PALMD: variants seen among roughly 807,000 people sequenced by gnomAD.
PALMD encodes palmdelphin.
Under a neutral mutation model 56.2 loss-of-function variants are expected in PALMD, and 42 were observed. The observed-to-expected ratio is 0.75, with a 90% confidence interval of 0.58 to 0.97. The LOEUF is 0.97. PALMD is among the 50% of genes least tolerant of loss of function. The probability of loss-of-function intolerance (pLI) is 0.00; values close to 1 mark genes in which losing one functional copy is unlikely to be tolerated. For synonymous variants in PALMD, 242 were observed against 222.9 expected, an observed-to-expected ratio of 1.09 and a Z score of -0.76; for missense variants, 660 against 643.8, an observed-to-expected ratio of 1.03 and a Z score of -0.27.
rs1653086446 is a variant in PALMD at position 99,671,484 on chromosome 1, A to C, written c.251+3718A>C. Among the ~76,000 whole-genome samples, 3 of 152,332 alleles carry C rather than the reference A, an allele frequency of 2.0e-5. 1 individual carries two copies. In the South Asian group the frequency reaches 6.2e-4, roughly 32 times the overall value. On this transcript the variant is annotated intron_variant, in intron 3 of 7. Transcript: ENST00000263174. ...CCTGACACATGGAGGTGTACAAAAA[A>C]TATTAAATACTAGTCCTTACTAAAA...
Position 99,689,308 on chromosome 1 carries a change from C to G in PALMD, c.1048C>G (p.Pro350Ala). Residue 350 changes from proline to alanine, a missense_variant, in exon 7 of 8, where the codon CCT (proline) becomes GCT (alanine). Coordinates refer to ENST00000263174, the MANE Select transcript of PALMD (RefSeq NM_017734.5). ...LHTPQKRLMT[P>A]WEESNVMQDK... ...CACCCCGCAAAAAAGGCTAATGACT[C>G]CTTGGGAAGAATCGAATGTCATGCA... The G allele has an allele frequency of 6.2e-7, 1 of 1,613,568 alleles. No homozygotes were observed. The highest frequency in any genetic ancestry group is 8.5e-7 in the Non-Finnish European group (1 of 1,179,818).
At chr1:99,690,451 C>T (rs1021846134) in intron 7 of PALMD, among the ~76,000 whole-genome samples, 2 of 152,010 alleles carry the variant, frequency 1.3e-5, no homozygotes, top group Non-Finnish European at 2.9e-5. Flanking sequence ...TTTAACTTTG[C>T]ATAGTGTTCC....
At chr1:99,684,288 A>G (rs566769909) in intron 3 of PALMD, 3 of 152,166 alleles carry the variant, frequency 2.0e-5, no homozygotes, top group Admixed American at 6.5e-5. Flanking sequence ...AAAGATGAAT[A>G]AGAAACAGAA....
intron 7 of PALMD, among the ~76,000 whole-genome samples, chr1:99,691,877 T>C (rs1653659322): frequency 6.6e-6 from 1 of 152,174 alleles, no homozygotes; most frequent in Non-Finnish European, 1.5e-5. Context: ...AATATGGTTA[T>C]CAATACCTTA....
At chr1:99,665,351 A>G (rs1324255412) in intron 2 of PALMD, among the ~76,000 whole-genome samples, 1 of 152,174 alleles carries the variant, frequency 6.6e-6, no homozygotes, top group Non-Finnish European at 1.5e-5. Context: ...CCACTAAAGC[A>G]CAAGTCTAAA....
At chr1:99,672,310 T>C (rs74112096) in intron 3 of PALMD, among the ~76,000 whole-genome samples, 1,984 of 152,282 alleles carry the variant, frequency 0.013, 47 homozygotes, top group African/African-American at 0.045. Flanking sequence ...GGGAAGCCTA[T>C]ATTGAACGTC....
Position 99,689,869 on chromosome 1 carries a change from A to T in PALMD, c.1609A>T (p.Thr537Ser). The change falls in exon 7 of 8, where the codon ACA (threonine) becomes TCA (serine). Residue 537 changes from threonine to serine, a missense_variant. By Grantham distance (58) the Thr-to-Ser change is moderately conservative. Coordinates refer to ENST00000263174, the MANE Select transcript of PALMD (RefSeq NM_017734.5). ...TGDGTEDPSL[T>S]ALRMRMAKLG... ...AGATGGGACTGAGGATCCATCCTTA[A>T]CAGGTAATAAAAATGACAAGGCATG... The T allele has an allele frequency of 6.3e-7, 1 of 1,594,174 alleles. No homozygotes were observed. Among genetic ancestry groups the T allele is most frequent in the Non-Finnish European group, 8.5e-7 (1 of 1,174,344 alleles).
chr1:99,688,737 A>C (rs1653584238), intron 6 of PALMD, 38 bp from the exon 7 acceptor site: 1 of 1,412,980 alleles, frequency 7.1e-7, no homozygotes, highest in African/African-American at 1.4e-5. Context: ...ACAAAAGAAA[A>C]GTTAACTAAA....
At chr1:99,647,679 G>A (rs574854008) in intron 1 of PALMD, among the ~76,000 whole-genome samples, 1 of 152,322 alleles carries the variant, frequency 6.6e-6, no homozygotes, top group South Asian at 2.1e-4. Flanking sequence ...GTTGTTTTTG[G>A]CATGGGCCTT....
intron 1 of PALMD, among the ~76,000 whole-genome samples, chr1:99,657,631 T>C (rs998046897): frequency 1.1e-4 from 16 of 152,212 alleles, no homozygotes; most frequent in Non-Finnish European, 2.1e-4. Flanking sequence ...CTGAAAACTT[T>C]TTATTGCTCC....
chr1:99,669,389 G>T (rs972988836), intron 3 of PALMD: 1 of 152,104 alleles, frequency 6.6e-6, no homozygotes, highest in Non-Finnish European at 1.5e-5. Context: ...TCTATAGTTT[G>T]GAAAACTCAA....
At chr1:99,649,860 G>T (rs186319030) in intron 1 of PALMD, among the ~76,000 whole-genome samples, 153 of 152,288 alleles carry the variant, frequency 1.0e-3, no homozygotes, top group Admixed American at 2.2e-3. Flanking sequence ...CTGAGAAAAA[G>T]AGAGTAAGAA....
chr1:99,689,230 C>T lies in PALMD; in HGVS notation c.970C>T (p.Pro324Ser), dbSNP rs1387279468. ...CAACTTCAATCACATCAGTCCCATT[C>T]CGCCAGTGCCTCATCCCCGATCAGT... ...GNNFNHISPI[P>S]PVPHPRSVIQ... is the part of the protein sequence containing the mutation. The change falls in exon 7 of 8, where the codon CCG (proline) becomes TCG (serine). Residue 324 changes from proline to serine, a missense_variant. Physicochemically the swap from Pro to Ser is moderately conservative, Grantham distance 74. Transcript: ENST00000263174. 6.2e-7 allele frequency: 1 copy of T among 1,613,616 alleles called. No individual in the cohort carries two copies. The highest frequency in any genetic ancestry group is 1.7e-5 in the Admixed American group (1 of 59,902).
rs754090460 is a variant in PALMD, at chr1:99,689,662, C to A, written c.1402C>A (p.Pro468Thr). Residue 468 changes from proline to threonine, a missense_variant, in exon 7 of 8, where the codon CCC (proline) becomes ACC (threonine). Coordinates refer to ENST00000263174, the MANE Select transcript of PALMD (RefSeq NM_017734.5). The part of the protein sequence containing the change: ...AEKPSYHPIA[P>T]HSQVYQPAKP... ...GAAACCGTCCTACCACCCCATAGCT[C>A]CCCATAGTCAGGTGTACCAGCCAGC... 8 of 1,613,600 alleles carry A rather than the reference C, an allele frequency of 5.0e-6. No homozygotes were observed. The highest frequency in any genetic ancestry group is 6.8e-6 in the Non-Finnish European group (8 of 1,179,776).
intron 1 of PALMD, among the ~76,000 whole-genome samples, chr1:99,651,888 A>C (rs1175893696): frequency 1.3e-5 from 2 of 152,246 alleles, no homozygotes; most frequent in Non-Finnish European, 1.5e-5. Flanking sequence ...TCAAGTTTTC[A>C]ATCTATTAAA....
At chr1:99,693,892 A>G (rs1373199909) in intron 7 of PALMD, 127 bp from the exon 8 acceptor site, 2 of 673,682 alleles carry the variant, frequency 3.0e-6, no homozygotes, top group Admixed American at 5.5e-5. Context: ...TACTAAATCA[A>G]TGCTCACACT....
intron 2 of PALMD, among the ~76,000 whole-genome samples, chr1:99,665,374 A>G (rs2100860964): frequency 6.6e-6 from 1 of 152,286 alleles, no homozygotes; most frequent in Non-Finnish European, 1.5e-5. Context: ...GTGACATAAA[A>G]GCAAAATAAC....
At chr1:99,647,917 A>G (rs189168527) in intron 1 of PALMD, among the ~76,000 whole-genome samples, 125 of 152,324 alleles carry the variant, frequency 8.2e-4, no homozygotes, top group Admixed American at 1.4e-3. Flanking sequence ...TTCCAAAGAT[A>G]TGGCTGTATA....
intron 7 of PALMD, 116 bp downstream of exon 7, chr1:99,689,988 AG>A: frequency 1.2e-6 from 1 of 843,464 alleles, no homozygotes; most frequent in Non-Finnish European, 1.8e-6. Flanking sequence ...ATACGCACTG[AG>A]ATTTTTTTAT....
Sources: allele counts gnomAD v4.1 joint callset (sites outside exome capture counted in the v4.1 genomes callset), GRCh38; gene constraint gnomAD v4.1.1; transcripts MANE v1.5; gene names NCBI Gene and HGNC (gene_info 2026-07-23, HGNC 2026-07-21).